Variants in CNTNAP2 observed in about 807,000 individuals in gnomAD.
The protein encoded by CNTNAP2 is contactin-associated protein-like 2.
CNTNAP2 carries 98 observed loss-of-function variants against 155.2 expected under a neutral mutation model. The observed-to-expected ratio is 0.63, with a 90% confidence interval of 0.54 to 0.75. CNTNAP2 has a LOEUF of 0.75. Ranked by LOEUF, CNTNAP2 falls within the 30% of genes least tolerant of loss-of-function variation. The pLI is 0.00. For missense variants in CNTNAP2, 1,727 were observed against 1,688.1 expected, an observed-to-expected ratio of 1.02 and a Z score of -0.40; for synonymous variants, 651 against 631.2, an observed-to-expected ratio of 1.03 and a Z score of -0.47.
intron 3 of CNTNAP2, among the ~76,000 whole-genome samples, chr7:146,953,625 T>C (rs1797368040): frequency 6.6e-6 from 1 of 151,950 alleles, no homozygotes; most frequent in Admixed American, 6.6e-5. Context: ...AATTACCTTT[T>C]GAACAAAAAT....
intron 8 of CNTNAP2, among the ~76,000 whole-genome samples, chr7:147,278,742 A>G (rs1366660660): frequency 6.6e-6 from 1 of 151,568 alleles, no homozygotes; most frequent in East Asian, 1.9e-4. Context: ...ATATAGCTAT[A>G]AAATTTTATG....
chr7:148,024,387 A>G (rs1250881138), intron 15 of CNTNAP2, among the ~76,000 whole-genome samples: 1 of 152,144 alleles, frequency 6.6e-6, no homozygotes, highest in Non-Finnish European at 1.5e-5. Context: ...AGTGTGGTGT[A>G]CACACACTTC....
chr7:147,901,314 C>A (rs569161382), intron 13 of CNTNAP2, among the ~76,000 whole-genome samples: 56 of 152,156 alleles, frequency 3.7e-4, no homozygotes, highest in Non-Finnish European at 6.2e-4. Context: ...TGCTAGTTCC[C>A]TGCTTAAAAT....
At chr7:147,123,037 T>C (rs918961487) in intron 6 of CNTNAP2, 1 of 152,136 alleles carries the variant, frequency 6.6e-6, no homozygotes, top group Non-Finnish European at 1.5e-5. Flanking sequence ...AAATTTAGAG[T>C]AGAATATGCT....
chr7:147,756,563 A>G (rs536712291), intron 13 of CNTNAP2, among the ~76,000 whole-genome samples: 2 of 152,368 alleles, frequency 1.3e-5, no homozygotes, highest in South Asian at 4.1e-4. Flanking sequence ...GACATTGAAA[A>G]AAAGCTGAGA....
intron 1 of CNTNAP2, among the ~76,000 whole-genome samples, chr7:146,296,119 A>T (rs1186503036): frequency 6.6e-6 from 1 of 152,138 alleles, no homozygotes; most frequent in African/African-American, 2.4e-5. Flanking sequence ...GATAGATAGG[A>T]TCTCTGATGT....
At chr7:148,371,434 C>T (rs1381765761) in intron 21 of CNTNAP2, among the ~76,000 whole-genome samples, 3 of 152,142 alleles carry the variant, frequency 2.0e-5, no homozygotes, top group Non-Finnish European at 2.9e-5. Context: ...GTCCCTTTGG[C>T]TCACGATAAT....
intron 13 of CNTNAP2, among the ~76,000 whole-genome samples, chr7:147,837,538 A>C (rs1798653512): frequency 6.6e-6 from 1 of 152,088 alleles, no homozygotes; most frequent in Admixed American, 6.5e-5. Context: ...AGTCCCCCAA[A>C]GTCTTAACTC....
At chr7:148,379,717 TAATA>T (rs938461569) in intron 21 of CNTNAP2, among the ~76,000 whole-genome samples, 10 of 152,026 alleles carry the variant, frequency 6.6e-5, no homozygotes, top group African/African-American at 1.7e-4. Context: ...GTCTCATAAA[TAATA>T]AATAAATAAA....
intron 21 of CNTNAP2, among the ~76,000 whole-genome samples, chr7:148,350,901 A>G (rs11766413): frequency 0.65 from 98,151 of 152,006 alleles, 32,125 homozygotes; most frequent in East Asian, 0.95. Flanking sequence ...AGAACCAAAA[A>G]AAGAACTTGA....
intron 15 of CNTNAP2, among the ~76,000 whole-genome samples, chr7:147,995,535 T>G (rs1344109390): frequency 6.6e-5 from 10 of 151,552 alleles, no homozygotes; most frequent in Non-Finnish European, 1.0e-4. Flanking sequence ...TTTTGTTGTT[T>G]TTTTTTTTTT....
intron 3 of CNTNAP2, among the ~76,000 whole-genome samples, chr7:146,930,506 G>A (rs528068687): frequency 6.6e-5 from 10 of 152,310 alleles, no homozygotes; most frequent in South Asian, 6.2e-4. Context: ...AAAGACCATC[G>A]ATGCTAGGAA....
At chr7:146,599,032 A>T (rs1462814857) in intron 1 of CNTNAP2, among the ~76,000 whole-genome samples, 2 of 151,914 alleles carry the variant, frequency 1.3e-5, no homozygotes, top group Non-Finnish European at 2.9e-5. Context: ...GGAGTCAGTC[A>T]TTTTTTTCCC....
intron 1 of CNTNAP2, among the ~76,000 whole-genome samples, chr7:146,183,639 T>A (rs987150059): frequency 2.7e-5 from 4 of 150,440 alleles, no homozygotes; most frequent in Non-Finnish European, 5.9e-5. Flanking sequence ...ATAATAATAA[T>A]AAATGTGTCA....
intron 3 of CNTNAP2, among the ~76,000 whole-genome samples, chr7:146,997,382 C>T (rs180897206): frequency 1.9e-4 from 29 of 152,156 alleles, no homozygotes; most frequent in Admixed American, 2.0e-4. Flanking sequence ...TTTATTAATT[C>T]GCATATGGTA....
intron 1 of CNTNAP2, among the ~76,000 whole-genome samples, chr7:146,247,358 G>A (rs1799678160): frequency 1.3e-5 from 2 of 152,194 alleles, no homozygotes; most frequent in Non-Finnish European, 2.9e-5. Context: ...GACCGGGTGT[G>A]AGGAGGGGAG....
intron 16 of CNTNAP2, among the ~76,000 whole-genome samples, chr7:148,134,148 G>A (rs563493081): frequency 1.3e-5 from 2 of 152,234 alleles, no homozygotes; most frequent in African/African-American, 4.8e-5. Context: ...TTGCCTTTGC[G>A]GATGGTGTTA....
intron 1 of CNTNAP2, among the ~76,000 whole-genome samples, chr7:146,469,729 T>C (rs1466777833): frequency 1.3e-5 from 2 of 152,040 alleles, no homozygotes; most frequent in Admixed American, 6.6e-5. Context: ...GTTTTCTCCA[T>C]GTTGGCTAGG....
intron 11 of CNTNAP2, among the ~76,000 whole-genome samples, chr7:147,511,609 C>A (rs115596994): frequency 0.024 from 3,659 of 151,876 alleles, 134 homozygotes; most frequent in African/African-American, 0.084. Context: ...TTAATATTTT[C>A]TTTTACATTT....
Sources: gnomAD v4.1 joint callset for allele counts (sites outside exome capture counted in the v4.1 genomes callset) on GRCh38, gnomAD v4.1.1 for gene constraint, MANE v1.5 for transcripts, NCBI Gene and HGNC (gene_info 2026-07-23, HGNC 2026-07-21) for gene names.